Variants in DLG5 observed in about 807,000 individuals in gnomAD.
The protein encoded by DLG5 is disks large homolog 5.
Under a neutral mutation model 189.8 loss-of-function variants are expected in DLG5, and 48 were observed. The ratio of observed to expected loss-of-function variants is 0.25; its 90% CI spans 0.20 to 0.32. DLG5 has a LOEUF of 0.32. DLG5 is among the 10% of genes least tolerant of loss of function. The probability of loss-of-function intolerance (pLI) is 1.00; values close to 1 mark genes in which losing one functional copy is unlikely to be tolerated. For synonymous variants in DLG5, 1,016 were observed against 1,054.1 expected (o/e 0.96, Z 0.70); for missense variants, 2,160 against 2,544.7 (o/e 0.85, Z 3.25).
chr10:77,898,933 A>T (rs1286270086), intron 1 of DLG5, among the ~76,000 whole-genome samples: 2 of 152,196 alleles, frequency 1.3e-5, no homozygotes, highest in African/African-American at 4.8e-5. Context: ...AGAGGTTTGC[A>T]GCCCAGGACA....
intron 1 of DLG5, among the ~76,000 whole-genome samples, chr10:77,879,697 C>G (rs1327802817): frequency 6.0e-5 from 9 of 150,722 alleles, no homozygotes; most frequent in Non-Finnish European, 8.9e-5. Flanking sequence ...CTCATAGGCC[C>G]AATGTGGAAT....
At position 77,887,797 on chromosome 10, in the gene DLG5, C is replaced by T. The variant is rs191409530; in HGVS notation, c.305-18600G>A. On this transcript the variant is annotated intron_variant, in intron 1 of 31. Coordinates refer to ENST00000372391, the MANE Select transcript of DLG5 (RefSeq NM_004747.4). ...TTTTTAAAGTCACGTTCCATTTCAT[C>T]ACATTTCAGAAAAACAAAGAAGAGA... Among the ~76,000 whole-genome samples the T allele has an allele frequency of 3.9e-4, 60 of 152,322 alleles. 1 individual carries two copies. Among genetic ancestry groups the T allele is most frequent in the African/African-American group, 1.4e-3 (58 of 41,580 alleles).
intron 1 of DLG5, among the ~76,000 whole-genome samples, chr10:77,875,246 T>C (rs1057491298): frequency 2.6e-5 from 4 of 152,160 alleles, no homozygotes; most frequent in African/African-American, 2.4e-5. Flanking sequence ...GAGGACTTCA[T>C]GGAGGCAGGG....
intron 5 of DLG5, among the ~76,000 whole-genome samples, chr10:77,851,216 C>A (rs1248687): frequency 0.74 from 112,738 of 152,178 alleles, 42,692 homozygotes; most frequent in African/African-American, 0.9. Flanking sequence ...GATTCCTCCA[C>A]AGGATTTCTT....
intron 2 of DLG5, among the ~76,000 whole-genome samples, chr10:77,865,875 C>CCGACAGACCGCCTGAGAGAA (rs1407066718): frequency 7.2e-5 from 11 of 152,066 alleles, no homozygotes; most frequent in Non-Finnish European, 1.0e-4. Flanking sequence ...GATCCGAGAC[C>CCGACAGACCGCCTGAGAGAA]CGACAGACCG....
intron 1 of DLG5, among the ~76,000 whole-genome samples, chr10:77,886,817 ATGAC>A (rs1193348177): frequency 6.6e-6 from 1 of 152,214 alleles, no homozygotes; most frequent in African/African-American, 2.4e-5. Context: ...CTAATCCAAA[ATGAC>A]TGGCATCCTT....
Position 77,796,003 on chromosome 10 carries a change from C to G in DLG5, c.5436+58G>C. On this transcript the variant is annotated intron_variant, in intron 29 of 31. Transcript: ENST00000372391. The surrounding 1 kb of genome is among the most constrained non-coding windows in gnomAD (Gnocchi z 5.2). ...GAGGATCACGGACCAGGGGCCTAGACCTGTGCACAGGAGGTCTAATACTGG... is the reference window on the plus strand; with the variant it reads ...GAGGATCACGGACCAGGGGCCTAGAGCTGTGCACAGGAGGTCTAATACTGG... 1 of 1,612,688 alleles carries G rather than the reference C, an allele frequency of 6.2e-7. No homozygotes were observed. The highest frequency in any genetic ancestry group is 8.5e-7 in the Non-Finnish European group (1 of 1,179,354).
chr10:77,814,679 A>G (rs1156702727), intron 20 of DLG5, among the ~76,000 whole-genome samples: 1 of 151,672 alleles, frequency 6.6e-6, no homozygotes, highest in Non-Finnish European at 1.5e-5. Context: ...GGTTCAAGCA[A>G]TTCTCCTGCC....
intron 7 of DLG5, 91 bp downstream of exon 7, chr10:77,841,790 G>C: frequency 6.9e-7 from 1 of 1,441,348 alleles, no homozygotes; most frequent in Non-Finnish European, 9.4e-7. Flanking sequence ...AACTCAGGAG[G>C]CTTCTAATCC....
At position 77,853,351 on chromosome 10, in the gene DLG5, T is replaced by C. The variant is rs764520693; in HGVS notation, c.864+3A>G. Reference sequence around the variant, plus strand: ...ATGGCCAGTCTCCAGGGGCTGGGCCTACCTGCTGCTGCTGGGCACGGAGGT... The same window carrying C: ...ATGGCCAGTCTCCAGGGGCTGGGCCCACCTGCTGCTGCTGGGCACGGAGGT... On this transcript the variant is annotated splice_donor_region_variant and intron_variant, in intron 5 of 31. Coordinates refer to ENST00000372391, the MANE Select transcript of DLG5 (RefSeq NM_004747.4). 13 of 1,529,138 alleles carry C rather than the reference T, an allele frequency of 8.5e-6. No homozygotes were observed. The highest frequency in any genetic ancestry group is 1.2e-5 in the Non-Finnish European group (13 of 1,128,396). The allele number at this position is 1,529,138 out of a possible 1,614,324, so 94.7% of individuals were successfully genotyped here. A position where few individuals can be genotyped will look rare whatever the true frequency, so the allele number is the denominator to read the frequency against.
intron 3 of DLG5, among the ~76,000 whole-genome samples, chr10:77,855,474 G>A (rs1844185966): frequency 6.6e-6 from 1 of 152,204 alleles, no homozygotes; most frequent in Non-Finnish European, 1.5e-5. Context: ...AAATACTTTA[G>A]GCTTTGCACA....
intron 1 of DLG5, among the ~76,000 whole-genome samples, chr10:77,902,879 AAAT>A (rs1845970770): frequency 1.4e-5 from 2 of 144,248 alleles, no homozygotes; most frequent in African/African-American, 5.7e-5. Flanking sequence ...ATAAAAAAAT[AAAT>A]AAATAAATAA....
rs1454966756 is a variant in DLG5, at chr10:77,817,065, T to C, written c.3816A>G (p.Glu1272=). Residue 1272 remains glutamate, a synonymous_variant, in exon 19 of 32, where the codon GAA becomes GAG. Coordinates refer to ENST00000372391, the MANE Select transcript of DLG5 (RefSeq NM_004747.4). ...TTGGTGTTGATGGGATTTTAATGCG[T>C]TCCGCCTTGAACTGCAAGTTACTCG... ...GSSSNLQFKA[E]RIKIPSTPRY... 6.2e-7 allele frequency: 1 copy of C among 1,614,170 alleles called. No individual in the cohort carries two copies. The highest frequency in any genetic ancestry group is 8.5e-7 in the Non-Finnish European group (1 of 1,180,038).
At chr10:77,878,092 C>G (rs1452147633) in intron 1 of DLG5, among the ~76,000 whole-genome samples, 1 of 152,200 alleles carries the variant, frequency 6.6e-6, no homozygotes, top group African/African-American at 2.4e-5. Flanking sequence ...TGCTCTGGCC[C>G]GGTGCTCAAT....
At chr10:77,892,457 G>A (rs755146242) in intron 1 of DLG5, among the ~76,000 whole-genome samples, 1 of 152,212 alleles carries the variant, frequency 6.6e-6, no homozygotes, top group Non-Finnish European at 1.5e-5. Flanking sequence ...GTTCTTACTT[G>A]TAAGACAGCA....
intron 9 of DLG5, among the ~76,000 whole-genome samples, chr10:77,831,669 T>C (rs1842901969): frequency 6.6e-6 from 1 of 152,116 alleles, no homozygotes; most frequent in Non-Finnish European, 1.5e-5. Context: ...TCACCAAAGG[T>C]GCATAAGTTA....
intron 3 of DLG5, among the ~76,000 whole-genome samples, chr10:77,856,457 C>T (rs1844232418): frequency 6.7e-6 from 1 of 148,904 alleles, no homozygotes; most frequent in Non-Finnish European, 1.5e-5. Context: ...GGTAGGGACA[C>T]ACACACACAC....
intron 2 of DLG5, among the ~76,000 whole-genome samples, chr10:77,865,337 C>A (rs896232902): frequency 6.6e-6 from 1 of 152,120 alleles, no homozygotes; most frequent in Non-Finnish European, 1.5e-5. Flanking sequence ...GGTCACAGGG[C>A]GTCAGTGGCA....
rs546719038 is a variant in DLG5 at position 77,807,190 on chromosome 10, T to C, written c.4797-262A>G. ...CCAAGATCTGAGGCCATAACTTCCC[T>C]TTCCAGGTGGCCTTTCCCAGTTGCC... On this transcript the variant is annotated intron_variant, in intron 25 of 31. Transcript: ENST00000372391. 2.6e-5 allele frequency among the ~76,000 whole-genome samples: 4 copies of C among 152,246 alleles called. No homozygotes were observed. In the South Asian group the frequency reaches 8.3e-4, roughly 32 times the overall value.
Sources: allele counts gnomAD v4.1 joint callset (sites outside exome capture counted in the v4.1 genomes callset), GRCh38; gene constraint gnomAD v4.1.1; non-coding constraint Gnocchi (gnomAD v3.1); transcripts MANE v1.5; gene names NCBI Gene and HGNC (gene_info 2026-07-23, HGNC 2026-07-21).